GNE: variants seen among roughly 807,000 people sequenced by gnomAD.
GNE encodes the protein glucosamine (UDP-N-acetyl)-2-epimerase/N-acetylmannosamine kinase.
A neutral mutation model predicts 61.8 loss-of-function variants in GNE; 41 were observed. That is an observed-to-expected ratio of 0.66 (90% CI 0.52 to 0.86). The LOEUF is 0.86. GNE is among the 40% of genes least tolerant of loss of function. The pLI is 0.00. For missense variants in GNE, 608 were observed against 909.1 expected, an observed-to-expected ratio of 0.67 and a Z score of 4.26; for synonymous variants, 264 against 326.4, an observed-to-expected ratio of 0.81 and a Z score of 2.06.
rs1186998487 is a variant in GNE at position 36,234,095 on chromosome 9, G to A, written c.807C>T (p.Gly269=). 25 of 1,613,786 alleles carry A rather than the reference G, an allele frequency of 1.5e-5. No homozygotes were observed. In the Admixed American group the frequency reaches 4.2e-4, roughly 27 times the overall value. ...KEMVRVMRKK[G]IEHHPNFRAV... ...CACGAAAGTTGGGATGATGCTCAAT[G>A]CCCTTCTTCCGCATCACTCGAACCA... Residue 269 remains glycine (G), a synonymous_variant, in exon 5 of 12, where the codon GGC becomes GGT. Coordinates refer to ENST00000642385, the MANE Select transcript of GNE (RefSeq NM_005476.7).
rs35541515 is a variant in GNE, at chr9:36,226,339, A to ATTT, written c.1281+906_1281+908dup. ...AGGTGCCTGCCACCATGCCCAGCTAATTTTTTTTTTTTTTTTGTATTTTTA... is the reference window on the plus strand; with the variant it reads ...AGGTGCCTGCCACCATGCCCAGCTAATTTTTTTTTTTTTTTTTTTGTATTTTTA... On this transcript the variant is annotated intron_variant, in intron 7 of 11. Coordinates refer to ENST00000642385, the MANE Select transcript of GNE (RefSeq NM_005476.7). 3.6e-3 allele frequency among the ~76,000 whole-genome samples: 506 copies of ATTT among 141,266 alleles called. 7 individuals carry two copies. Among genetic ancestry groups the ATTT allele is most frequent in the African/African-American group, 0.011 (420 of 38,224 alleles). 92.7% of individuals were successfully genotyped at this position (141,266 alleles called of 152,430 possible). A position where few individuals can be genotyped will look rare whatever the true frequency, so the allele number is the denominator to read the frequency against.
chr9:36,227,995 T>C (rs925130319), intron 6 of GNE, among the ~76,000 whole-genome samples: 53 of 136,420 alleles, frequency 3.9e-4, no homozygotes, highest in African/African-American at 1.4e-3. Context: ...ATCGCACCAC[T>C]GCACTCCAGC....
At chr9:36,273,107 A>G (rs924958441) in intron 1 of GNE, among the ~76,000 whole-genome samples, 1 of 151,948 alleles carries the variant, frequency 6.6e-6, no homozygotes, top group African/African-American at 2.4e-5. Flanking sequence ...ATGAGCTTTA[A>G]TTTTGGATAT....
chr9:36,222,262 A>G lies in GNE; in HGVS notation c.1633+515T>C, dbSNP rs58448163. Among the ~76,000 whole-genome samples the G allele has an allele frequency of 4.0e-3, 603 of 151,938 alleles. 5 individuals are homozygous for G. Among genetic ancestry groups the G allele is most frequent in the African/African-American group, 0.014 (583 of 41,406 alleles). ...TGAAACCCCGTCTCTACTAAAAAAT[A>G]CAAAAAATTAGCCGGGCGTAGTGGC... On this transcript the variant is annotated intron_variant, in intron 9 of 11. Coordinates refer to ENST00000642385, the MANE Select transcript of GNE (RefSeq NM_005476.7).
intron 3 of GNE, among the ~76,000 whole-genome samples, chr9:36,245,794 C>G (rs1175476388): frequency 3.3e-5 from 5 of 152,142 alleles, no homozygotes; most frequent in Admixed American, 6.6e-5. Flanking sequence ...TAAAAGCATT[C>G]CATTCTATAA....
Position 36,216,327 on chromosome 9 carries a change from A to ATGTGTGTGTGTGTGTGTGCGTGTG in GNE, c.*1037_*1038insCACACGCACACACACACACACACA. 3 of 355,722 alleles carry ATGTGTGTGTGTGTGTGTGCGTGTG rather than the reference A, an allele frequency of 8.4e-6. No homozygotes were observed. Among genetic ancestry groups the ATGTGTGTGTGTGTGTGTGCGTGTG allele is most frequent in the Admixed American group, 2.8e-5 (1 of 35,436 alleles). The allele number at this position is 355,722 out of a possible 1,614,324, so 22.0% of individuals were successfully genotyped here. A position where few individuals can be genotyped will look rare whatever the true frequency, so the allele number is the denominator to read the frequency against. ...TTAGTTTGGGGTTAGAGGAGGAAGG[A>ATGTGTGTGTGTGTGTGTGCGTGTG]TGTGTGTGTGTGTGTGTGTGTGTGT... is the stretch of plus-strand genomic sequence containing the variant. On this transcript the variant is annotated 3_prime_UTR_variant, in exon 12 of 12. Transcript: ENST00000642385.
In GNE at chr9:36,236,879, A is replaced by C. The variant is rs759945787; in HGVS notation, c.722T>G (p.Ile241Ser). The change falls in exon 4 of 12, where the codon ATC becomes AGC. Residue 241 changes from isoleucine (I) to serine (S), a missense_variant. Physicochemically the swap from Ile to Ser is moderately radical, Grantham distance 142. Transcript: ENST00000642385. ...GACTAGGGTCCGCTTGTTAAATGAG[A>C]TAAGTGCATCCAATGTTAATTCAAA... ...KMFELTLDAL[I>S]SFNKRTLVLF... 1.9e-6 allele frequency: 3 copies of C among 1,613,530 alleles called. No homozygotes were observed. Among genetic ancestry groups the C allele is most frequent in the East Asian group, 2.2e-5 (1 of 44,868 alleles).
At chr9:36,269,224 C>A (rs1202746794) in intron 1 of GNE, among the ~76,000 whole-genome samples, 2 of 150,716 alleles carry the variant, frequency 1.3e-5, no homozygotes, top group African/African-American at 4.9e-5. Context: ...GAATATAATT[C>A]TACCTTTCAA....
At chr9:36,272,079 G>A (rs1331097803) in intron 1 of GNE, among the ~76,000 whole-genome samples, 1 of 152,094 alleles carries the variant, frequency 6.6e-6, no homozygotes, top group Non-Finnish European at 1.5e-5. Context: ...CAACACTCTT[G>A]CTCAATCTTT....
chr9:36,249,042 G>A, intron 2 of GNE, 150 bp downstream of exon 2: 1 of 670,888 alleles, frequency 1.5e-6, no homozygotes, highest in Non-Finnish European at 2.7e-6. Flanking sequence ...TGAGGAAACT[G>A]AGGCTCAGAG....
intron 4 of GNE, among the ~76,000 whole-genome samples, chr9:36,235,921 T>C (rs1829370732): frequency 6.6e-6 from 1 of 152,178 alleles, no homozygotes; most frequent in Non-Finnish European, 1.5e-5. Context: ...TTAGGCTATG[T>C]TCTGACATTT....
intron 1 of GNE, among the ~76,000 whole-genome samples, chr9:36,252,513 T>G (rs927721307): frequency 5.3e-5 from 8 of 152,202 alleles, no homozygotes; most frequent in Non-Finnish European, 1.2e-4. Flanking sequence ...TTTACCAGGT[T>G]ACTCAAAGGT....
intron 7 of GNE, among the ~76,000 whole-genome samples, chr9:36,225,591 C>T (rs754942370): frequency 3.4e-4 from 51 of 152,068 alleles, no homozygotes; most frequent in Non-Finnish European, 4.6e-4. Flanking sequence ...GCCGAGATCA[C>T]GCCACTGCAC....
rs777440792 is a variant in GNE, at chr9:36,233,999, G to A, written c.903C>T (p.Ser301=). The change falls in exon 5 of 12, where the codon AGC becomes AGT. Residue 301 remains serine (S), a synonymous_variant. Transcript: ENST00000642385. ...VAHAGCMIGN[S]SCGVREVGAF... ...CTCCAACTTCTCGAACCCCACAGCT[G>A]CTGTTCCCAATCATACAGCCAGCAT... The A allele has an allele frequency of 7.4e-6, 12 of 1,614,048 alleles. 1 individual carries two copies. Among genetic ancestry groups the A allele is most frequent in the Non-Finnish European group, 1.0e-5 (12 of 1,180,006 alleles).
Position 36,237,282 on chromosome 9 carries a change from A to G in GNE, c.617-298T>C, listed in dbSNP as rs16933114. Among the ~76,000 whole-genome samples the G allele has an allele frequency of 0.028, 4,202 of 152,304 alleles. 190 individuals carry two copies. The highest frequency in any genetic ancestry group is 0.091 in the African/African-American group (3,800 of 41,538). On this transcript the variant is annotated intron_variant, in intron 3 of 11. Coordinates refer to ENST00000642385, the MANE Select transcript of GNE (RefSeq NM_005476.7). ...AACCCAAACTATTCCAAAGCACTCA[A>G]AAAATGTGACTCTTCCCAATTTCTA...
At position 36,223,054 on chromosome 9, in the gene GNE, A is replaced by G. The variant is rs1228163422; in HGVS notation, c.1412-56T>C. 6.1e-6 allele frequency: 9 copies of G among 1,481,400 alleles called. No individual in the cohort carries two copies. In the East Asian group the frequency reaches 1.6e-4, roughly 26 times the overall value. 91.8% of individuals were successfully genotyped at this position (1,481,400 alleles called of 1,614,324 possible). On this transcript the variant is annotated intron_variant, in intron 8 of 11. Coordinates refer to ENST00000642385, the MANE Select transcript of GNE (RefSeq NM_005476.7). ...TGCTGATGAGCAATCTCAGGAAAGTATGCTGACTTTCTTGTCTTAAGAACA... is the reference window on the plus strand; with the variant it reads ...TGCTGATGAGCAATCTCAGGAAAGTGTGCTGACTTTCTTGTCTTAAGAACA...
rs754963533 is a variant in GNE, at chr9:36,246,036, C to G, written c.611G>C (p.Trp204Ser). 6.2e-7 allele frequency: 1 copy of G among 1,611,904 alleles called. No individual in the cohort carries two copies. The highest frequency in any genetic ancestry group is 1.1e-5 in the South Asian group (1 of 91,058). ...NKDYMSIIRM[W>S]LGDDVKSKDY... ...CTAAAGTCTGAGATACGTACCTAGCCACATGCGAATGATGCTCATGTAGTC... is the reference window on the plus strand; with the variant it reads ...CTAAAGTCTGAGATACGTACCTAGCGACATGCGAATGATGCTCATGTAGTC... The change falls in exon 3 of 12, where the codon TGG (tryptophan) becomes TCG (serine). Residue 204 changes from tryptophan (W) to serine (S), a missense_variant. Physicochemically the swap from Trp to Ser is radical, Grantham distance 177. Transcript: ENST00000642385.
intron 1 of GNE, among the ~76,000 whole-genome samples, chr9:36,250,327 C>CA: frequency 6.6e-6 from 1 of 152,178 alleles, no homozygotes; most frequent in Non-Finnish European, 1.5e-5. Context: ...AGTACCTACA[C>CA]ACCAGTGCCA....
intron 1 of GNE, among the ~76,000 whole-genome samples, chr9:36,271,098 A>C (rs1212773173): frequency 6.6e-6 from 1 of 152,110 alleles, no homozygotes; most frequent in Non-Finnish European, 1.5e-5. Flanking sequence ...TAGGGGAACA[A>C]GTTTGTCATT....
Sources: gnomAD v4.1 joint callset for allele counts (sites outside exome capture counted in the v4.1 genomes callset) on GRCh38, gnomAD v4.1.1 for gene constraint, MANE v1.5 for transcripts, NCBI Gene and HGNC (gene_info 2026-07-23, HGNC 2026-07-21) for gene names.